The following DPP10 variants were observed in gnomAD, a reference collection of about 807,000 sequenced individuals.
DPP10 encodes the protein dipeptidyl peptidase like 10, also known as inactive dipeptidyl peptidase 10.
In DPP10, 33 loss-of-function variants were observed where a neutral mutation model predicts 120.9. That is an observed-to-expected ratio of 0.27 (90% confidence interval 0.21 to 0.37). DPP10 has a LOEUF of 0.37. Ranked by LOEUF, DPP10 falls within the 10% of genes least tolerant of loss-of-function variation. The probability of loss-of-function intolerance (pLI) is 1.00; values close to 1 mark genes in which losing one functional copy is unlikely to be tolerated. For synonymous variants in DPP10, 337 were observed against 326.1 expected (o/e 1.03, Z -0.36); for missense variants, 816 against 942.8 (o/e 0.87, Z 1.76).
At chr2:115,568,741 C>T (rs1422155560) in intron 5 of DPP10, among the ~76,000 whole-genome samples, 1 of 152,066 alleles carries the variant, frequency 6.6e-6, no homozygotes, top group African/African-American at 2.4e-5. Context: ...ATGCTTCGCC[C>T]AGGCTAAGCT....
At chr2:115,333,733 G>A (rs979924228) in intron 2 of DPP10, among the ~76,000 whole-genome samples, 11 of 151,890 alleles carry the variant, frequency 7.2e-5, no homozygotes, top group African/African-American at 1.9e-4. Flanking sequence ...CTTTTCTTTA[G>A]GAATGTTGAA....
At chr2:114,539,805 CCT>C (rs1372796120) in intron 1 of DPP10, among the ~76,000 whole-genome samples, 2 of 152,018 alleles carry the variant, frequency 1.3e-5, no homozygotes, top group Non-Finnish European at 2.9e-5. Flanking sequence ...TGATCAGAGG[CCT>C]CCCATATACA....
rs1042944318 is a variant in DPP10 at position 115,805,902 on chromosome 2, C to T, written c.1701-8891C>T. 7.2e-5 allele frequency among the ~76,000 whole-genome samples: 11 copies of T among 152,226 alleles called. No individual in the cohort carries two copies. The East Asian group carries it at 7.8e-4, about 11-fold the overall frequency. On this transcript the variant is annotated intron_variant, in intron 19 of 25. Coordinates refer to ENST00000410059, the MANE Select transcript of DPP10 (RefSeq NM_020868.6). ...TCCTGTGCTTTCATAAGAACTTGTA[C>T]TCTCACCGCATTATGATTACAACAG... is the stretch of plus-strand genomic sequence containing the variant.
intron 1 of DPP10, among the ~76,000 whole-genome samples, chr2:114,464,912 G>GA (rs1165953068): frequency 6.6e-6 from 1 of 152,072 alleles, no homozygotes; most frequent in African/African-American, 2.4e-5. Context: ...ATATTGTATT[G>GA]AAAAGAGCTG....
At chr2:114,834,074 A>G (rs1417321592) in intron 1 of DPP10, 4 of 151,852 alleles carry the variant, frequency 2.6e-5, no homozygotes, top group Admixed American at 6.6e-5. Context: ...ACACCTATGT[A>G]TATATAAGCC....
At chr2:115,411,399 T>C (rs2068946626) in intron 3 of DPP10, among the ~76,000 whole-genome samples, 2 of 115,154 alleles carry the variant, frequency 1.7e-5, no homozygotes, top group African/African-American at 5.2e-5. Flanking sequence ...TGATGGCTGC[T>C]CAAAATTGTA....
intron 1 of DPP10, among the ~76,000 whole-genome samples, chr2:115,216,767 G>GGAGTGA (rs1358673964): frequency 6.6e-6 from 1 of 151,806 alleles, no homozygotes; most frequent in Non-Finnish European, 1.5e-5. Flanking sequence ...CCTGGGCAAT[G>GGAGTGA]GAGTGAGACT....
At chr2:115,286,488 TATA>T (rs1263435270) in intron 1 of DPP10, among the ~76,000 whole-genome samples, 1 of 38,718 alleles carries the variant, frequency 2.6e-5, no homozygotes, top group African/African-American at 7.0e-5. Context: ...GTAATATATA[TATA>T]ATATATATAT....
At chr2:115,000,590 C>A (rs1356575697) in intron 1 of DPP10, among the ~76,000 whole-genome samples, 1 of 152,074 alleles carries the variant, frequency 6.6e-6, no homozygotes, top group East Asian at 1.9e-4. Flanking sequence ...GCTCATAAAA[C>A]CCATTTGATC....
At chr2:115,307,857 C>T (rs970015274) in intron 1 of DPP10, among the ~76,000 whole-genome samples, 6 of 151,918 alleles carry the variant, frequency 3.9e-5, no homozygotes, top group East Asian at 1.9e-4. Context: ...TATTGATTTA[C>T]GTGGAAAATA....
At chr2:114,536,254 G>A (rs1686476876) in intron 1 of DPP10, among the ~76,000 whole-genome samples, 1 of 146,312 alleles carries the variant, frequency 6.8e-6, no homozygotes, top group Admixed American at 6.8e-5. Flanking sequence ...TCTGAGGGCT[G>A]CCAACAGATG....
intron 1 of DPP10, among the ~76,000 whole-genome samples, chr2:114,971,521 C>T (rs1003995178): frequency 1.2e-4 from 18 of 152,138 alleles, no homozygotes; most frequent in African/African-American, 3.9e-4. Flanking sequence ...AGAACTGGCA[C>T]ATTAAAATTG....
chr2:115,069,628 T>G (rs1338770862), intron 1 of DPP10, among the ~76,000 whole-genome samples: 1 of 152,088 alleles, frequency 6.6e-6, no homozygotes, highest in African/African-American at 2.4e-5. Context: ...TCTTTGATTT[T>G]GTTGGAAATA....
chr2:115,065,656 T>C (rs1706772360), intron 1 of DPP10: 1 of 151,994 alleles, frequency 6.6e-6, no homozygotes, highest in African/African-American at 2.4e-5. Context: ...ATGTAGTCAT[T>C]CTTACCAGTA....
intron 1 of DPP10, among the ~76,000 whole-genome samples, chr2:114,907,793 A>G (rs1023955715): frequency 1.2e-4 from 18 of 152,066 alleles, no homozygotes; most frequent in African/African-American, 3.9e-4. Context: ...TTCAGTACGT[A>G]TCTGCTATGT....
intron 1 of DPP10, among the ~76,000 whole-genome samples, chr2:115,227,968 C>CTAGA (rs1388410981): frequency 1.4e-5 from 2 of 144,780 alleles, no homozygotes; most frequent in Admixed American, 7.1e-5. Context: ...GTCACCCAGG[C>CTAGA]TAGAGTGCAG....
intron 1 of DPP10, among the ~76,000 whole-genome samples, chr2:114,652,894 A>C (rs1000667718): frequency 2.0e-5 from 3 of 151,932 alleles, no homozygotes; most frequent in African/African-American, 7.3e-5. Context: ...TAAAAGGAAC[A>C]GGAAAGTGCA....
intron 1 of DPP10, among the ~76,000 whole-genome samples, chr2:114,487,026 T>TA (rs139062796): frequency 0.031 from 4,769 of 152,240 alleles, 250 homozygotes; most frequent in African/African-American, 0.11. Context: ...ATTCCAGTGC[T>TA]AAAAAAATGA....
chr2:115,164,183 C>T (rs2052656363), intron 1 of DPP10, among the ~76,000 whole-genome samples: 1 of 152,038 alleles, frequency 6.6e-6, no homozygotes, highest in Non-Finnish European at 1.5e-5. Flanking sequence ...CATGGCACCT[C>T]GCAGTGAGGG....
Sources: allele counts gnomAD v4.1 joint callset (sites outside exome capture counted in the v4.1 genomes callset), GRCh38; gene constraint gnomAD v4.1.1; transcripts MANE v1.5; gene names NCBI Gene and HGNC (gene_info 2026-07-23, HGNC 2026-07-21).